GRM7: variants seen among roughly 807,000 people sequenced by gnomAD.
The protein encoded by GRM7 is glutamate metabotropic receptor 7, also known as metabotropic glutamate receptor 7.
A neutral mutation model predicts 84.5 loss-of-function variants in GRM7; 35 were observed. The observed-to-expected ratio is 0.41, with a 90% confidence interval of 0.32 to 0.55. The LOEUF is 0.55. GRM7 is among the 20% of genes least tolerant of loss of function. The pLI is 0.19. For synonymous variants in GRM7, 487 were observed against 455.1 expected (o/e 1.07, Z -0.89); for missense variants, 1,003 against 1,194.6 (o/e 0.84, Z 2.36).
chr3:7,008,443 T>C (rs1695255318), intron 1 of GRM7, among the ~76,000 whole-genome samples: 1 of 152,218 alleles, frequency 6.6e-6, no homozygotes. Context: ...TTACACTTAC[T>C]ACACTGATTT....
intron 1 of GRM7, among the ~76,000 whole-genome samples, chr3:6,909,653 A>G (rs1352460423): frequency 1.3e-5 from 2 of 152,092 alleles, no homozygotes; most frequent in Admixed American, 1.3e-4. Flanking sequence ...TCAGGGAAAT[A>G]TGCCACTACT....
At chr3:7,049,710 A>C (rs2124952899) in intron 1 of GRM7, among the ~76,000 whole-genome samples, 1 of 152,090 alleles carries the variant, frequency 6.6e-6, no homozygotes, top group Middle Eastern at 3.4e-3. Flanking sequence ...GAAGCCCAAC[A>C]TAGGCATGGG....
At chr3:6,998,409 G>T (rs529859938) in intron 1 of GRM7, among the ~76,000 whole-genome samples, 6 of 152,186 alleles carry the variant, frequency 3.9e-5, no homozygotes, top group Non-Finnish European at 8.8e-5. Flanking sequence ...TCATGGGCTG[G>T]TGTTGAGTGT....
chr3:7,032,265 T>C (rs1182110858), intron 1 of GRM7, among the ~76,000 whole-genome samples: 1 of 152,208 alleles, frequency 6.6e-6, no homozygotes, highest in African/African-American at 2.4e-5. Context: ...TAAGTAGCTG[T>C]GGGAAAATGT....
At chr3:6,871,629 T>G (rs1254253599) in intron 1 of GRM7, among the ~76,000 whole-genome samples, 2 of 151,982 alleles carry the variant, frequency 1.3e-5, no homozygotes. Context: ...TTCTGTTCCA[T>G]TTTCATTTGG....
At chr3:7,064,944 G>T (rs554588669) in intron 1 of GRM7, among the ~76,000 whole-genome samples, 2 of 151,962 alleles carry the variant, frequency 1.3e-5, no homozygotes, top group South Asian at 4.1e-4. Flanking sequence ...CATTAGTGAT[G>T]TTGGACATTT....
chr3:7,103,295 T>G (rs1343646585), intron 1 of GRM7, among the ~76,000 whole-genome samples: 1 of 151,796 alleles, frequency 6.6e-6, no homozygotes, highest in Non-Finnish European at 1.5e-5. Flanking sequence ...ACCTTAGTAT[T>G]TGTTTCTGAA....
intron 7 of GRM7, among the ~76,000 whole-genome samples, chr3:7,510,090 T>G (rs546758502): frequency 6.6e-6 from 1 of 152,340 alleles, no homozygotes; most frequent in Admixed American, 6.5e-5. Flanking sequence ...TTCCTCTTCC[T>G]TCTCTACAAA....
intron 2 of GRM7, among the ~76,000 whole-genome samples, chr3:7,182,910 T>C (rs887296242): frequency 1.7e-4 from 26 of 151,740 alleles, no homozygotes; most frequent in African/African-American, 5.3e-4. Context: ...TTTTTTTTTT[T>C]TTTTTCAATG....
chr3:7,013,577 T>C (rs1053401829), intron 1 of GRM7, among the ~76,000 whole-genome samples: 1 of 152,194 alleles, frequency 6.6e-6, no homozygotes, highest in African/African-American at 2.4e-5. Flanking sequence ...TAAGTACATA[T>C]CTATTTCTCC....
chr3:7,043,160 A>C (rs1559402644), intron 1 of GRM7, among the ~76,000 whole-genome samples: 1 of 152,066 alleles, frequency 6.6e-6, no homozygotes, highest in Non-Finnish European at 1.5e-5. Flanking sequence ...AAATACTTTC[A>C]AGTGATTCTT....
intron 1 of GRM7, among the ~76,000 whole-genome samples, chr3:6,995,626 A>G (rs1694800603): frequency 6.6e-6 from 1 of 152,238 alleles, no homozygotes; most frequent in Admixed American, 6.5e-5. Flanking sequence ...AGCTTTATTT[A>G]ATCTAACTGA....
Position 7,193,978 on chromosome 3 carries a change from A to G in GRM7, c.736+47310A>G, listed in dbSNP as rs572394540. 3.9e-5 allele frequency among the ~76,000 whole-genome samples: 6 copies of G among 152,230 alleles called. 1 individual carries two copies. The South Asian group carries it at 1.2e-3, about 32-fold the overall frequency. On this transcript the variant is annotated intron_variant, in intron 2 of 9. Transcript: ENST00000357716. ...TTAAAAATTATAATCCACTGGCTCT[A>G]AAAGTACTGACTACAGTGCCTAATA...
chr3:7,365,863 G>C (rs1008584157), intron 4 of GRM7, among the ~76,000 whole-genome samples: 4 of 151,054 alleles, frequency 2.6e-5, no homozygotes, highest in Non-Finnish European at 5.9e-5. Flanking sequence ...AAAGGATCTG[G>C]ATGCCCTTCT....
chr3:7,719,316 G>A (rs928216704), intron 9 of GRM7, among the ~76,000 whole-genome samples: 3 of 152,130 alleles, frequency 2.0e-5, no homozygotes, highest in Non-Finnish European at 2.9e-5. Context: ...ATTCTCTGAA[G>A]TGATATGAAG....
At position 7,043,858 on chromosome 3, in the gene GRM7, C is replaced by T. The variant is rs894260731; in HGVS notation, c.520-102594C>T. 9.2e-5 allele frequency among the ~76,000 whole-genome samples: 14 copies of T among 152,280 alleles called. 1 individual carries two copies. The highest frequency in any genetic ancestry group is 3.9e-4 in the East Asian group (2 of 5,164). On this transcript the variant is annotated intron_variant, in intron 1 of 9. Coordinates refer to ENST00000357716, the MANE Select transcript of GRM7 (RefSeq NM_000844.4). ...TGACTTCCTACCCAGCACCCTGCTC[C>T]GCCTCCCAGAGGAGTCTCACTGTGT...
chr3:7,594,551 A>G (rs923199827), intron 8 of GRM7, among the ~76,000 whole-genome samples: 3 of 152,246 alleles, frequency 2.0e-5, no homozygotes, highest in Non-Finnish European at 2.9e-5. Context: ...ACCATCCTCT[A>G]TGTAAATACA....
chr3:7,432,648 A>C (rs1382835718), intron 5 of GRM7, among the ~76,000 whole-genome samples: 2 of 149,786 alleles, frequency 1.3e-5, no homozygotes, highest in African/African-American at 2.4e-5. Flanking sequence ...AAAAAAAAAA[A>C]TAGAAATAAT....
intron 5 of GRM7, among the ~76,000 whole-genome samples, chr3:7,418,977 T>C (rs914168027): frequency 6.6e-6 from 1 of 152,158 alleles, no homozygotes; most frequent in African/African-American, 2.4e-5. Flanking sequence ...AATCAGTTAA[T>C]TTAAATAAAG....
Sources: allele counts gnomAD v4.1 joint callset (sites outside exome capture counted in the v4.1 genomes callset), GRCh38; gene constraint gnomAD v4.1.1; transcripts MANE v1.5; gene names NCBI Gene and HGNC (gene_info 2026-07-23, HGNC 2026-07-21).